The following CTXND1 variants were observed in gnomAD, a reference collection of about 807,000 sequenced individuals.
CTXND1 encodes cortexin domain containing 1, also known as cortexin domain-containing 1 protein.
At chr15:80,247,522 G>C (rs1488236964) in intron 1 of CTXND1, among the ~76,000 whole-genome samples, 1 of 152,124 alleles carries the variant, frequency 6.6e-6, no homozygotes, top group South Asian at 2.1e-4. Flanking sequence ...GGAGTGGTAA[G>C]GGAGGAATTT....
At chr15:80,243,164 C>T (rs1221761833) in intron 1 of CTXND1, among the ~76,000 whole-genome samples, 1 of 152,154 alleles carries the variant, frequency 6.6e-6, no homozygotes, top group Non-Finnish European at 1.5e-5. Flanking sequence ...GTGCTGCCAG[C>T]CAGGCCCAGC....
intron 1 of CTXND1, among the ~76,000 whole-genome samples, chr15:80,229,603 T>C (rs1312461382): frequency 4.6e-5 from 7 of 152,342 alleles, no homozygotes; most frequent in African/African-American, 1.7e-4. Context: ...ATTGAAACTC[T>C]GTGATTTTGA....
intron 1 of CTXND1, among the ~76,000 whole-genome samples, chr15:80,241,736 C>T (rs952275933): frequency 7.2e-5 from 11 of 152,186 alleles, no homozygotes; most frequent in East Asian, 3.9e-4. Context: ...GGAAGTCAGG[C>T]GCACTGGCCC....
At chr15:80,207,143 G>A (rs1893155486) in intron 1 of CTXND1, among the ~76,000 whole-genome samples, 1 of 152,164 alleles carries the variant, frequency 6.6e-6, no homozygotes, top group Non-Finnish European at 1.5e-5. Context: ...CTTCTTGAAT[G>A]TTACTTGATG....
chr15:80,231,589 T>TTTCTTCTCG (rs1893431440), intron 1 of CTXND1, among the ~76,000 whole-genome samples: 1 of 152,006 alleles, frequency 6.6e-6, no homozygotes, highest in Non-Finnish European at 1.5e-5. Flanking sequence ...CTCGAGAAAA[T>TTTCTTCTCG]AGCTGGCTTG....
chr15:80,250,263 TG>T (rs1293028480), intron 1 of CTXND1, among the ~76,000 whole-genome samples: 1 of 152,052 alleles, frequency 6.6e-6, no homozygotes, highest in African/African-American at 2.4e-5. Flanking sequence ...GGAAAGGAAC[TG>T]GAAAGACACA....
chr15:80,204,287 A>G (rs1893124086), intron 1 of CTXND1, among the ~76,000 whole-genome samples: 2 of 149,822 alleles, frequency 1.3e-5, no homozygotes, highest in Non-Finnish European at 3.0e-5. Context: ...AAAATCTACC[A>G]TCTTGACCAT....
In CTXND1 at chr15:80,250,631, T is replaced by C. The variant is rs112718889; in HGVS notation, c.-218+1376A>G. ...AAACAGCTTCCCCACAATTTCTCTT[T>C]TGGATAAATGTAAAGTCATTAGTTT... On this transcript the variant is annotated intron_variant, in intron 1 of 2. Transcript: ENST00000560778. Among the ~76,000 whole-genome samples the C allele has an allele frequency of 9.2e-3, 1,404 of 152,334 alleles. 26 individuals are homozygous for C. Among genetic ancestry groups the C allele is most frequent in the African/African-American group, 0.032 (1,325 of 41,562 alleles).
At chr15:80,220,915 T>TTA (rs1567131006) in intron 1 of CTXND1, among the ~76,000 whole-genome samples, 88 of 141,308 alleles carry the variant, frequency 6.2e-4, no homozygotes, top group African/African-American at 1.8e-3. Flanking sequence ...TATTATTATT[T>TTA]TTTTTTTTTT....
At chr15:80,222,419 A>C (rs896015498) in intron 1 of CTXND1, among the ~76,000 whole-genome samples, 2 of 152,146 alleles carry the variant, frequency 1.3e-5, no homozygotes, top group East Asian at 1.9e-4. Context: ...ACAATTAATG[A>C]CTCTTTCTTA....
chr15:80,195,894 A>C lies in CTXND1; in HGVS notation c.*5876T>G, dbSNP rs978011821. ...GTGACCAAGAGGAACTGCTTCCACC[A>C]GGGAATATAGTTATGGGTCTGTTAA... On this transcript the variant is annotated 3_prime_UTR_variant, in exon 3 of 3. Coordinates refer to ENST00000560778, the MANE Select transcript of CTXND1 (RefSeq NM_001352888.2). The C allele has an allele frequency of 6.6e-6, 1 of 152,186 alleles. No homozygotes were observed. Among genetic ancestry groups the C allele is most frequent in the Non-Finnish European group, 1.5e-5 (1 of 68,034 alleles). The allele number at this position is 152,186 out of a possible 1,614,324, so 9.4% of individuals were successfully genotyped here.
At chr15:80,235,768 A>C (rs1232230036) in intron 1 of CTXND1, among the ~76,000 whole-genome samples, 1 of 151,746 alleles carries the variant, frequency 6.6e-6, no homozygotes, top group Non-Finnish European at 1.5e-5. Flanking sequence ...TCTTCTCCTC[A>C]ACAGGCTTCA....
rs1407699514 is a variant in CTXND1, at chr15:80,195,573, G to C, written c.*6197C>G. ...ACCAGCATCTGGTGAGGACCTTCTT[G>C]TTGCATCATAAACATGGTGGAAGGA... On this transcript the variant is annotated 3_prime_UTR_variant, in exon 3 of 3. Transcript: ENST00000560778. 1 of 152,172 alleles carries C rather than the reference G, an allele frequency of 6.6e-6. No individual in the cohort carries two copies. Among genetic ancestry groups the C allele is most frequent in the Non-Finnish European group, 1.5e-5 (1 of 68,040 alleles). The allele number at this position is 152,172 out of a possible 1,614,324, so 9.4% of individuals were successfully genotyped here. A position where few individuals can be genotyped will look rare whatever the true frequency, so the allele number is the denominator to read the frequency against.
rs1352292689 is a variant in CTXND1, at chr15:80,198,127, C to G, written c.*3643G>C. 1 of 152,152 alleles carries G rather than the reference C, an allele frequency of 6.6e-6. No homozygotes were observed. Among genetic ancestry groups the G allele is most frequent in the Non-Finnish European group, 1.5e-5 (1 of 68,028 alleles). 9.4% of individuals were successfully genotyped at this position (152,152 alleles called of 1,614,324 possible). A position where few individuals can be genotyped will look rare whatever the true frequency, so the allele number is the denominator to read the frequency against. On this transcript the variant is annotated 3_prime_UTR_variant, in exon 3 of 3. Coordinates refer to ENST00000560778, the MANE Select transcript of CTXND1 (RefSeq NM_001352888.2). ...TGTCTCTGGGACTGTTGGCCCCTTCCAGATTGTATTTCCCTAAGTGACCCA... is the reference window on the plus strand; with the variant it reads ...TGTCTCTGGGACTGTTGGCCCCTTCGAGATTGTATTTCCCTAAGTGACCCA...
intron 1 of CTXND1, among the ~76,000 whole-genome samples, chr15:80,244,884 T>A (rs1893610683): frequency 6.6e-6 from 1 of 152,116 alleles, no homozygotes; most frequent in Non-Finnish European, 1.5e-5. Context: ...TCCAACAGCC[T>A]CCAGTGAGCT....
rs990193941 is a variant in CTXND1 at position 80,238,241 on chromosome 15, T to C, written c.-218+13766A>G. ...AACTTCCAGTCCTGCAAGTTCCATT[T>C]ATGGTAAGTGTCCTGCACAGGTGTA... is the stretch of plus-strand genomic sequence containing the variant. On this transcript the variant is annotated intron_variant, in intron 1 of 2. Transcript: ENST00000560778. Among the ~76,000 whole-genome samples the C allele has an allele frequency of 5.9e-5, 9 of 152,270 alleles. No individual in the cohort carries two copies. The East Asian group carries it at 1.7e-3, about 29-fold the overall frequency.
chr15:80,224,253 A>G (rs1344445178), intron 1 of CTXND1, among the ~76,000 whole-genome samples: 1 of 152,198 alleles, frequency 6.6e-6, no homozygotes, highest in Non-Finnish European at 1.5e-5. Flanking sequence ...ACCGACTGCA[A>G]TCAGCTGAGA....
rs1359577831 is a variant in CTXND1, at chr15:80,197,720, T to C, written c.*4050A>G. 6.6e-6 allele frequency: 1 copy of C among 152,296 alleles called. No individual in the cohort carries two copies. The highest frequency in any genetic ancestry group is 1.5e-5 in the Non-Finnish European group (1 of 68,108). 9.4% of individuals were successfully genotyped at this position (152,296 alleles called of 1,614,324 possible). A position where few individuals can be genotyped will look rare whatever the true frequency, so the allele number is the denominator to read the frequency against. On this transcript the variant is annotated 3_prime_UTR_variant, in exon 3 of 3. Coordinates refer to ENST00000560778, the MANE Select transcript of CTXND1 (RefSeq NM_001352888.2). ...GGCCACAGGACATTGTGGGTGGTCA[T>C]TGATCATGCCTGGCAGAACCAGTCC...
chr15:80,220,948 G>T (rs1475381551), intron 1 of CTXND1, among the ~76,000 whole-genome samples: 1 of 147,048 alleles, frequency 6.8e-6, no homozygotes, highest in Non-Finnish European at 1.5e-5. Context: ...TCGCTCTGTC[G>T]CCCAGGCTGG....
Sources: allele counts gnomAD v4.1 joint callset (sites outside exome capture counted in the v4.1 genomes callset), GRCh38; gene constraint gnomAD v4.1.1; transcripts MANE v1.5; gene names NCBI Gene and HGNC (gene_info 2026-07-23, HGNC 2026-07-21).